Variants in ZNF385D observed in about 807,000 individuals in gnomAD.
ZNF385D encodes the protein zinc finger protein 659.
Under a neutral mutation model 35.8 loss-of-function variants are expected in ZNF385D, and 15 were observed. That is an observed-to-expected ratio of 0.42 (90% CI 0.28 to 0.64). The LOEUF is 0.64. Among genes scored for constraint, ZNF385D ranks in the 30% least tolerant of loss-of-function variants. The pLI is 0.23. For synonymous variants in ZNF385D, 212 were observed against 186.8 expected (o/e 1.13, Z -1.10); for missense variants, 474 against 494.6 (o/e 0.96, Z 0.39).
chr3:21,964,713 A>G (rs953187112), intron 3 of ZNF385D, among the ~76,000 whole-genome samples: 1 of 151,424 alleles, frequency 6.6e-6, no homozygotes, highest in Non-Finnish European at 1.5e-5. Context: ...GCTGGTCTCG[A>G]ACTCCTGACC....
intron 2 of ZNF385D, among the ~76,000 whole-genome samples, chr3:22,307,878 A>G (rs912167351): frequency 8.5e-5 from 13 of 152,142 alleles, no homozygotes; most frequent in African/African-American, 3.1e-4. Flanking sequence ...AAGATCATCA[A>G]ATTCAGAATA....
intron 3 of ZNF385D, among the ~76,000 whole-genome samples, chr3:22,121,034 A>G (rs371609336): frequency 2.0e-5 from 3 of 152,210 alleles, no homozygotes; most frequent in East Asian, 3.8e-4. Context: ...GTTGCTTTAT[A>G]TCTAAATTAT....
intron 3 of ZNF385D, among the ~76,000 whole-genome samples, chr3:22,162,060 G>A (rs1203333686): frequency 2.0e-5 from 3 of 152,064 alleles, no homozygotes; most frequent in East Asian, 3.9e-4. Context: ...TGAAGTACTT[G>A]GAACAGTTGA....
intron 3 of ZNF385D, among the ~76,000 whole-genome samples, chr3:21,884,403 C>T (rs1698434634): frequency 6.6e-6 from 1 of 151,874 alleles, no homozygotes; most frequent in Non-Finnish European, 1.5e-5. Context: ...ACTTTCTATC[C>T]AATATTTATC....
chr3:21,802,710 G>T (rs2072462481), intron 3 of ZNF385D, among the ~76,000 whole-genome samples: 1 of 152,160 alleles, frequency 6.6e-6, no homozygotes, highest in South Asian at 2.1e-4. Flanking sequence ...CTCACTATCT[G>T]TGTGAACTTG....
At chr3:21,987,963 G>A (rs1183271676) in intron 3 of ZNF385D, among the ~76,000 whole-genome samples, 2 of 146,548 alleles carry the variant, frequency 1.4e-5, no homozygotes, top group African/African-American at 2.5e-5. Context: ...GATTGCATTG[G>A]CTCCTGAAGC....
intron 3 of ZNF385D, among the ~76,000 whole-genome samples, chr3:22,011,893 C>T (rs917499110): frequency 1.3e-5 from 2 of 152,024 alleles, no homozygotes; most frequent in Admixed American, 1.3e-4. Flanking sequence ...CATATAGTAG[C>T]ACCAACAAAT....
intron 3 of ZNF385D, among the ~76,000 whole-genome samples, chr3:21,901,092 G>A (rs1699388472): frequency 6.6e-6 from 1 of 152,160 alleles, no homozygotes; most frequent in South Asian, 2.1e-4. Flanking sequence ...AGCAAGTGCT[G>A]CGCTAAGCAA....
chr3:21,638,499 C>G (rs1406116951), intron 2 of ZNF385D, among the ~76,000 whole-genome samples: 1 of 152,090 alleles, frequency 6.6e-6, no homozygotes, highest in East Asian at 1.9e-4. Context: ...GAGCCCATCC[C>G]TGCATCGCCC....
intron 3 of ZNF385D, among the ~76,000 whole-genome samples, chr3:22,056,130 C>G (rs1236128858): frequency 2.0e-4 from 2 of 9,768 alleles, no homozygotes; most frequent in Admixed American, 1.2e-3. Context: ...GTGGTGGGGT[C>G]GGGGGAGGGG....
chr3:22,030,692 T>G (rs909106173), intron 3 of ZNF385D, among the ~76,000 whole-genome samples: 1 of 152,104 alleles, frequency 6.6e-6, no homozygotes, highest in Non-Finnish European at 1.5e-5. Context: ...ACCATATCAT[T>G]CTGCCCTGGC....
intron 3 of ZNF385D, among the ~76,000 whole-genome samples, chr3:21,783,557 ACT>A (rs2071573821): frequency 6.6e-6 from 1 of 151,988 alleles, no homozygotes; most frequent in East Asian, 1.9e-4. Context: ...CACCTGGGAC[ACT>A]CTAACAGCAT....
intron 2 of ZNF385D, among the ~76,000 whole-genome samples, chr3:21,592,260 T>A (rs1334731452): frequency 1.3e-5 from 2 of 151,328 alleles, no homozygotes; most frequent in Non-Finnish European, 2.9e-5. Flanking sequence ...TTCTGTAAGA[T>A]CTTTTATAAG....
At chr3:22,362,013 TTTG>T (rs1266657624) in intron 2 of ZNF385D, among the ~76,000 whole-genome samples, 11 of 151,574 alleles carry the variant, frequency 7.3e-5, no homozygotes, top group Middle Eastern at 6.8e-3. Flanking sequence ...ATGGCAGACG[TTTG>T]TTATTATTAG....
At chr3:22,257,018 G>C (rs1186983444) in intron 2 of ZNF385D, among the ~76,000 whole-genome samples, 3 of 151,802 alleles carry the variant, frequency 2.0e-5, no homozygotes, top group Non-Finnish European at 4.4e-5. Flanking sequence ...ATGTCAGTCA[G>C]AAGAAGGAAG....
chr3:21,885,582 G>C (rs897768027), intron 3 of ZNF385D, among the ~76,000 whole-genome samples: 4 of 151,890 alleles, frequency 2.6e-5, no homozygotes, highest in Admixed American at 6.6e-5. Context: ...AATTATGTGA[G>C]AATCAATTGG....
rs1404815577 is a variant in ZNF385D at position 21,539,585 on chromosome 3, CTAAA to C, written c.276+24985_276+24988del. Among the ~76,000 whole-genome samples the C allele has an allele frequency of 6.6e-6, 1 of 151,842 alleles. No homozygotes were observed. The highest frequency in any genetic ancestry group is 2.4e-5 in the African/African-American group (1 of 41,344). On this transcript the variant is annotated intron_variant, in intron 3 of 7. Coordinates refer to ENST00000281523, the MANE Select transcript of ZNF385D (RefSeq NM_024697.3). This position sits in a 1 kb window ranked among gnomAD's most constrained non-coding sequence, Gnocchi z 4.0. Reference sequence around the variant, plus strand: ...GTACTCTAAATGTTAAAATGATTCTCTAAATTATTGTTTCAGATTTTATAAAGTG... The same window carrying C: ...GTACTCTAAATGTTAAAATGATTCTCTTATTGTTTCAGATTTTATAAAGTG...
chr3:22,123,922 ATCTCTC>A (rs34781505), intron 3 of ZNF385D, among the ~76,000 whole-genome samples: 1,989 of 80,046 alleles, frequency 0.025, 37 homozygotes, highest in South Asian at 0.064. Flanking sequence ...GCTAGACTCC[ATCTCTC>A]TCTCTCTCTC....
intron 1 of ZNF385D, among the ~76,000 whole-genome samples, chr3:21,739,645 C>T (rs1391833650): frequency 1.3e-5 from 2 of 152,160 alleles, no homozygotes; most frequent in Non-Finnish European, 2.9e-5. Context: ...TGAAGAATGA[C>T]TTCATTCCAG....
Sources: allele counts gnomAD v4.1 joint callset (sites outside exome capture counted in the v4.1 genomes callset), GRCh38; gene constraint gnomAD v4.1.1; non-coding constraint Gnocchi (gnomAD v3.1); transcripts MANE v1.5; gene names NCBI Gene and HGNC (gene_info 2026-07-23, HGNC 2026-07-21).